Variants in MALL observed in about 807,000 individuals in gnomAD.
MALL encodes the protein mal, T cell differentiation protein like.
In MALL, 2 loss-of-function variants were observed where a neutral mutation model predicts 10.3. That is an observed-to-expected ratio of 0.19 (90% CI 0.08 to 0.61). The LOEUF (loss-of-function observed/expected upper bound fraction) is 0.61. Ranked by LOEUF, MALL falls within the 20% of genes least tolerant of loss-of-function variation. MALL has a pLI of 0.88. For synonymous variants in MALL, 27 were observed against 51.8 expected, an observed-to-expected ratio of 0.52 and a Z score of 2.05; for missense variants, 39 against 115.2, an observed-to-expected ratio of 0.34 and a Z score of 3.03.
intron 1 of MALL, among the ~76,000 whole-genome samples, chr2:110,112,695 AG>A (rs1046748593): frequency 2.0e-5 from 3 of 152,064 alleles, no homozygotes. Flanking sequence ...AAGAACTAAA[AG>A]TAGAACTACC....
upstream of MALL, among the ~76,000 whole-genome samples, chr2:110,116,844 C>T (rs1044296492): frequency 1.3e-5 from 2 of 152,188 alleles, no homozygotes; most frequent in African/African-American, 4.8e-5. Flanking sequence ...TTCCTGCCCC[C>T]TGCTGCTCCC....
At chr2:110,103,038 C>G (rs1678608388) in intron 1 of MALL, among the ~76,000 whole-genome samples, 1 of 152,138 alleles carries the variant, frequency 6.6e-6, no homozygotes, top group Non-Finnish European at 1.5e-5. Context: ...AAGCAAAGCT[C>G]AAAGAATCCA....
chr2:110,097,324 C>A (rs1310728467), intron 1 of MALL, among the ~76,000 whole-genome samples: 4 of 152,104 alleles, frequency 2.6e-5, no homozygotes, highest in African/African-American at 9.7e-5. Context: ...AGCAGAACCT[C>A]TTGGCTTGGA....
intron 1 of MALL, among the ~76,000 whole-genome samples, chr2:110,102,070 C>T (rs1017917511): frequency 6.6e-6 from 1 of 152,086 alleles, no homozygotes; most frequent in Non-Finnish European, 1.5e-5. Context: ...TGCCCATGTT[C>T]CCCAAAAGAA....
chr2:110,113,488 T>C (rs1411708540), intron 1 of MALL, among the ~76,000 whole-genome samples: 1 of 142,964 alleles, frequency 7.0e-6, no homozygotes, highest in Non-Finnish European at 1.5e-5. Context: ...AGTGTATACA[T>C]GGATGATGAG....
chr2:110,114,321 T>A (rs1181513502), intron 1 of MALL, among the ~76,000 whole-genome samples: 1 of 151,822 alleles, frequency 6.6e-6, no homozygotes, highest in East Asian at 1.9e-4. Context: ...TGCTCATGAG[T>A]CTCTTCCCGG....
chr2:110,099,295 C>A (rs774043723), intron 1 of MALL, among the ~76,000 whole-genome samples: 2 of 152,114 alleles, frequency 1.3e-5, no homozygotes, highest in Non-Finnish European at 2.9e-5. Flanking sequence ...GCGTGCCTGG[C>A]AACTCAAGTT....
At chr2:110,109,582 T>G (rs766965677) in intron 1 of MALL, among the ~76,000 whole-genome samples, 19 of 152,138 alleles carry the variant, frequency 1.2e-4, no homozygotes, top group Non-Finnish European at 2.4e-4. Context: ...AGAAATGAGA[T>G]AGAAAGCAAC....
intron 1 of MALL, among the ~76,000 whole-genome samples, chr2:110,113,177 CCTGTAAT>C (rs1678842048): frequency 1.3e-5 from 2 of 151,594 alleles, no homozygotes; most frequent in Non-Finnish European, 2.9e-5. Flanking sequence ...GTGGCTCACG[CCTGTAAT>C]CTCAGCACTT....
chr2:110,117,720 A>C (rs2104400759), upstream of MALL, among the ~76,000 whole-genome samples: 1 of 151,644 alleles, frequency 6.6e-6, no homozygotes, highest in East Asian at 1.9e-4. Flanking sequence ...ATCAGAGACA[A>C]AGGTTCCCCT....
chr2:110,116,937 G>A (rs1678932883), upstream of MALL, among the ~76,000 whole-genome samples: 1 of 152,144 alleles, frequency 6.6e-6, no homozygotes, highest in South Asian at 2.1e-4. Flanking sequence ...TAGCAGAAAC[G>A]GTGAATGCCA....
chr2:110,111,103 G>A (rs1043514205), intron 1 of MALL, among the ~76,000 whole-genome samples: 2 of 152,210 alleles, frequency 1.3e-5, no homozygotes, highest in Admixed American at 1.3e-4. Flanking sequence ...CAAACCCACA[G>A]CCAACGTAAT....
chr2:110,098,325 A>G (rs1343821541), intron 1 of MALL, among the ~76,000 whole-genome samples: 3 of 152,006 alleles, frequency 2.0e-5, no homozygotes, highest in Non-Finnish European at 2.9e-5. Flanking sequence ...ATCCATCTCC[A>G]GAGTGCTTTC....
At chr2:110,105,025 T>C (rs1397602797) in intron 1 of MALL, among the ~76,000 whole-genome samples, 1 of 152,204 alleles carries the variant, frequency 6.6e-6, no homozygotes, top group African/African-American at 2.4e-5. Context: ...GTCCTGACAT[T>C]TCCTATGAAG....
At chr2:110,109,230 C>T (rs1180547256) in intron 1 of MALL, among the ~76,000 whole-genome samples, 1 of 152,046 alleles carries the variant, frequency 6.6e-6, no homozygotes, top group African/African-American at 2.4e-5. Flanking sequence ...ATGTAAATGG[C>T]CTAAATGATC....
chr2:110,103,211 C>T (rs1206159984), intron 1 of MALL, among the ~76,000 whole-genome samples: 2 of 152,106 alleles, frequency 1.3e-5, no homozygotes. Flanking sequence ...GGAGCTAGTG[C>T]TGTGGAACGC....
chr2:110,099,951 C>T (rs1343439689), intron 1 of MALL, among the ~76,000 whole-genome samples: 6 of 152,112 alleles, frequency 3.9e-5, no homozygotes, highest in Non-Finnish European at 7.4e-5. Context: ...TTTCACAGCA[C>T]TGCTGAGGAG....
At chr2:110,111,303 C>T (rs140748234) in intron 1 of MALL, among the ~76,000 whole-genome samples, 184 of 152,162 alleles carry the variant, frequency 1.2e-3, no homozygotes, top group African/African-American at 3.9e-3. Flanking sequence ...ACGATATGAT[C>T]GTTTAACTTG....
intron 1 of MALL, among the ~76,000 whole-genome samples, chr2:110,099,665 C>T (rs991772608): frequency 4.6e-5 from 7 of 152,158 alleles, no homozygotes; most frequent in African/African-American, 1.7e-4. Flanking sequence ...AGGCTCATCA[C>T]GTTCCCTACT....
Sources: gnomAD v4.1 joint callset for allele counts (sites outside exome capture counted in the v4.1 genomes callset) on GRCh38, gnomAD v4.1.1 for gene constraint, MANE v1.5 for transcripts, NCBI Gene and HGNC (gene_info 2026-07-23, HGNC 2026-07-21) for gene names.